Variants in PTPRJ observed in about 807,000 individuals in gnomAD.
PTPRJ encodes the protein protein tyrosine phosphatase receptor type J, also known as receptor-type tyrosine-protein phosphatase eta.
Under a neutral mutation model 141.3 loss-of-function variants are expected in PTPRJ, and 129 were observed. That is an observed-to-expected ratio of 0.91 (90% confidence interval 0.79 to 1.06). The LOEUF (loss-of-function observed/expected upper bound fraction) is 1.06. Ranked by LOEUF, PTPRJ falls within the 50% of genes least tolerant of loss-of-function variation. PTPRJ has a pLI of 0.00. For synonymous variants in PTPRJ, 610 were observed against 640.5 expected, an observed-to-expected ratio of 0.95 and a Z score of 0.72; for missense variants, 1,601 against 1,679.7, an observed-to-expected ratio of 0.95 and a Z score of 0.82.
rs558284636 is a variant in PTPRJ, at chr11:48,012,132, C to T, written c.96+31124C>T. ...CACTTGGGGGCATGGTGTGGGGGAC[C>T]TGTGAAGTGGGTGTTCTGGGGTGAG... is the stretch of plus-strand genomic sequence containing the variant. On this transcript the variant is annotated intron_variant, in intron 1 of 24. Coordinates refer to ENST00000418331, the MANE Select transcript of PTPRJ (RefSeq NM_002843.4). 1.2e-4 allele frequency among the ~76,000 whole-genome samples: 19 copies of T among 152,140 alleles called. No individual in the cohort carries two copies. The South Asian group carries it at 3.5e-3, about 28-fold the overall frequency.
intron 12 of PTPRJ, among the ~76,000 whole-genome samples, chr11:48,143,488 A>G (rs1857280141): frequency 1.3e-5 from 2 of 151,672 alleles, no homozygotes; most frequent in South Asian, 4.2e-4. Flanking sequence ...GTTTTAACCA[A>G]CTCTGTCTCT....
At chr11:48,074,076 C>T (rs768179365) in intron 1 of PTPRJ, among the ~76,000 whole-genome samples, 2 of 152,166 alleles carry the variant, frequency 1.3e-5, no homozygotes, top group Non-Finnish European at 2.9e-5. Flanking sequence ...ACCTCCTGGG[C>T]TCAAGTAATC....
At chr11:48,009,138 A>G (rs901541071) in intron 1 of PTPRJ, among the ~76,000 whole-genome samples, 2 of 152,216 alleles carry the variant, frequency 1.3e-5, no homozygotes, top group African/African-American at 4.8e-5. Flanking sequence ...ACAAGAAGCC[A>G]TGTGTTGGAA....
chr11:48,059,778 C>G (rs1854869263), intron 1 of PTPRJ, among the ~76,000 whole-genome samples: 1 of 152,178 alleles, frequency 6.6e-6, no homozygotes, highest in African/African-American at 2.4e-5. Flanking sequence ...GTTATCAAGT[C>G]TGATTTACAG....
chr11:48,137,016 G>T lies in PTPRJ; in HGVS notation c.1887G>T (p.Val629=). The T allele has an allele frequency of 1.9e-6, 3 of 1,603,066 alleles. No homozygotes were observed. Among genetic ancestry groups the T allele is most frequent in the Non-Finnish European group, 2.6e-6 (3 of 1,170,086 alleles). ...STAQYTRPSN[V]SNIDVSTNTT... ...TTTAAAATCAAGGGCCCAGCAATGTGTCCAACATTGATGTAAGTACCAACA... is the reference window on the plus strand; with the variant it reads ...TTTAAAATCAAGGGCCCAGCAATGTTTCCAACATTGATGTAAGTACCAACA... The change falls in exon 10 of 25, where the codon GTG becomes GTT. Residue 629 remains valine (V), a synonymous_variant. Coordinates refer to ENST00000418331, the MANE Select transcript of PTPRJ (RefSeq NM_002843.4).
intron 1 of PTPRJ, among the ~76,000 whole-genome samples, chr11:48,090,409 G>A (rs1398277310): frequency 1.3e-5 from 2 of 152,168 alleles, no homozygotes; most frequent in Non-Finnish European, 2.9e-5. Flanking sequence ...GACAGAGCCC[G>A]GTGGCTGGTT....
chr11:48,112,853 T>A lies in PTPRJ; in HGVS notation c.222T>A (p.Thr74=). Residue 74 remains threonine (T), a synonymous_variant, in exon 3 of 25, where the codon ACT becomes ACA. Coordinates refer to ENST00000418331, the MANE Select transcript of PTPRJ (RefSeq NM_002843.4). The stretch of plus-strand genomic sequence containing the variant: ...AATCCTTTCATAAACAGAATGGAAC[T>A]GGAACACCTCAGGTGGAAACAAACA... The part of the protein sequence containing the change: ...TAESFHKQNG[T]GTPQVETNTS... The A allele has an allele frequency of 1.2e-6, 2 of 1,614,168 alleles. No homozygotes were observed. Among genetic ancestry groups the A allele is most frequent in the Non-Finnish European group, 1.7e-6 (2 of 1,180,012 alleles).
chr11:48,159,570 A>C (rs1238988642), intron 21 of PTPRJ, among the ~76,000 whole-genome samples: 1 of 152,220 alleles, frequency 6.6e-6, no homozygotes, highest in African/African-American at 2.4e-5. Context: ...AAATTTTAAG[A>C]GTTGGCAAGA....
intron 1 of PTPRJ, among the ~76,000 whole-genome samples, chr11:48,098,141 G>A (rs531655819): frequency 1.5e-4 from 23 of 152,094 alleles, no homozygotes; most frequent in Non-Finnish European, 2.9e-4. Flanking sequence ...TGGTGTCCGC[G>A]CATGCCTATT....
chr11:48,089,446 G>A (rs1855804578), intron 1 of PTPRJ, among the ~76,000 whole-genome samples: 1 of 150,026 alleles, frequency 6.7e-6, no homozygotes, highest in South Asian at 2.1e-4. Context: ...AACCCGGGAG[G>A]CAGAGGTTAC....
intron 1 of PTPRJ, among the ~76,000 whole-genome samples, chr11:48,081,736 C>T (rs574729599): frequency 1.4e-5 from 2 of 144,970 alleles, no homozygotes; most frequent in African/African-American, 2.6e-5. Flanking sequence ...CTTCTGGGCC[C>T]TGGGTTTACT....
intron 22 of PTPRJ, 21 bp downstream of exon 22, chr11:48,160,070 A>G: frequency 6.2e-7 from 1 of 1,612,070 alleles, no homozygotes; most frequent in Non-Finnish European, 8.5e-7. Flanking sequence ...AGTCAGGATC[A>G]GTTGAGCTCA....
At chr11:48,042,850 A>G (rs1854303707) in intron 1 of PTPRJ, among the ~76,000 whole-genome samples, 2 of 151,588 alleles carry the variant, frequency 1.3e-5, no homozygotes, top group Admixed American at 1.3e-4. Context: ...GGAAGGAAGA[A>G]TGATTGATTA....
At position 48,035,460 on chromosome 11, in the gene PTPRJ, G is replaced by A. The variant is rs561724141; in HGVS notation, c.96+54452G>A. Among the ~76,000 whole-genome samples the A allele has an allele frequency of 8.6e-5, 13 of 152,000 alleles. No individual in the cohort carries two copies. In the South Asian group the frequency reaches 2.1e-3, roughly 24 times the overall value. On this transcript the variant is annotated intron_variant, in intron 1 of 24. Coordinates refer to ENST00000418331, the MANE Select transcript of PTPRJ (RefSeq NM_002843.4). Reference sequence around the variant, plus strand: ...AAGAGCCTGGGCCTGGTGAGCCCCCGGGATGATGGGTGGGGACCATCTGTG... The same window carrying A: ...AAGAGCCTGGGCCTGGTGAGCCCCCAGGATGATGGGTGGGGACCATCTGTG...
chr11:48,037,550 G>C (rs529202177), intron 1 of PTPRJ, among the ~76,000 whole-genome samples: 6 of 152,320 alleles, frequency 3.9e-5, no homozygotes, highest in African/African-American at 1.4e-4. Flanking sequence ...GGTGGCTCAC[G>C]CTTGTAATCC....
chr11:47,980,931 G>GAGGCGCGGC lies in PTPRJ; in HGVS notation c.20_28dup (p.Arg9_Leu10insGlnAlaArg). The GAGGCGCGGC allele has an allele frequency of 1.7e-6, 2 of 1,186,184 alleles. No homozygotes were observed. Among genetic ancestry groups the GAGGCGCGGC allele is most frequent in the Non-Finnish European group, 2.1e-6 (2 of 959,062 alleles). The allele number at this position is 1,186,184 out of a possible 1,614,324, so 73.5% of individuals were successfully genotyped here. ...GCGGGGCATGAAGCCGGCGGCGCGG[G>GAGGCGCGGC]AGGCGCGGCTGCCTCCGCGCTCGCC... On this transcript the variant is annotated inframe_insertion, in exon 1 of 25. Transcript: ENST00000418331.
chr11:48,151,352 A>G (rs560855861), intron 18 of PTPRJ, among the ~76,000 whole-genome samples: 3 of 150,106 alleles, frequency 2.0e-5, no homozygotes, highest in Non-Finnish European at 4.4e-5. Context: ...TCATGTGTCT[A>G]TGTCTCTTTG....
At position 48,168,735 on chromosome 11, in the gene PTPRJ, T is replaced by G. The variant is rs1857985541; in HGVS notation, c.*1373T>G. On this transcript the variant is annotated 3_prime_UTR_variant, in exon 25 of 25. Transcript: ENST00000418331. ...AAATGTAGATTAATTTTTTTTTTTTTGCTTCAGGTGTGTATCCACCAAGAA... is the reference window on the plus strand; with the variant it reads ...AAATGTAGATTAATTTTTTTTTTTTGGCTTCAGGTGTGTATCCACCAAGAA... 1 of 139,878 alleles carries G rather than the reference T, an allele frequency of 7.1e-6. No homozygotes were observed. Among genetic ancestry groups the G allele is most frequent in the South Asian group, 2.3e-4 (1 of 4,434 alleles). 8.7% of individuals were successfully genotyped at this position (139,878 alleles called of 1,614,324 possible).
intron 1 of PTPRJ, among the ~76,000 whole-genome samples, chr11:48,028,291 A>G (rs1020542275): frequency 6.6e-6 from 1 of 152,156 alleles, no homozygotes; most frequent in African/African-American, 2.4e-5. Context: ...CTCTCTCCTC[A>G]TGGGCAGCCT....
Sources: gnomAD v4.1 joint callset for allele counts (sites outside exome capture counted in the v4.1 genomes callset) on GRCh38, gnomAD v4.1.1 for gene constraint, MANE v1.5 for transcripts, NCBI Gene and HGNC (gene_info 2026-07-23, HGNC 2026-07-21) for gene names.